Variants in PER3 observed in about 807,000 individuals in gnomAD.
PER3 encodes period circadian protein homolog 3.
In PER3, 107 loss-of-function variants were observed where a neutral mutation model predicts 127.2. That is an observed-to-expected ratio of 0.84 (90% CI 0.72 to 0.99). The LOEUF (loss-of-function observed/expected upper bound fraction) is 0.99. Among genes scored for constraint, PER3 ranks in the 50% least tolerant of loss-of-function variants. The pLI is 0.00. For missense variants in PER3, 1,560 were observed against 1,525.8 expected (o/e 1.02, Z -0.37); for synonymous variants, 618 against 585.8 (o/e 1.05, Z -0.79).
Position 7,834,414 on chromosome 1 carries a change from A to G in PER3, c.3215-1348A>G, listed in dbSNP as rs2097347840. On this transcript the variant is annotated intron_variant, in intron 19 of 21. Transcript: ENST00000377532. ...AACATTGTTATTATTTTTGCTTTAA[A>G]CAGTAACAACCTCTTAAAGTTGTTT... Among the ~76,000 whole-genome samples the G allele has an allele frequency of 1.3e-5, 2 of 152,160 alleles. 1 individual carries two copies. Among genetic ancestry groups the G allele is most frequent in the South Asian group, 4.1e-4 (2 of 4,830 alleles).
intron 5 of PER3, among the ~76,000 whole-genome samples, chr1:7,788,907 G>GA (rs56279930): frequency 0.37 from 52,707 of 141,620 alleles, 9,536 homozygotes; most frequent in South Asian, 0.47. Flanking sequence ...TGTTTCTGGG[G>GA]AAAAAAAAAA....
chr1:7,794,907 G>C (rs1473182544), intron 6 of PER3, among the ~76,000 whole-genome samples: 1 of 151,114 alleles, frequency 6.6e-6, no homozygotes, highest in Non-Finnish European at 1.5e-5. Context: ...ATGTATATAA[G>C]ATGATATAAT....
chr1:7,824,128 C>T (rs1372139534), intron 16 of PER3, among the ~76,000 whole-genome samples: 5 of 151,996 alleles, frequency 3.3e-5, no homozygotes, highest in South Asian at 2.1e-4. Context: ...CAGCTAAAAA[C>T]GGGGCTTGTA....
At chr1:7,816,055 T>A (rs1450773815) in intron 13 of PER3, among the ~76,000 whole-genome samples, 9 of 145,634 alleles carry the variant, frequency 6.2e-5, no homozygotes, top group South Asian at 4.4e-4. Context: ...ATAAAATATG[T>A]GGGATATACC....
chr1:7,843,947 A>G lies in PER3; in HGVS notation c.*1192A>G. Reference sequence around the variant, plus strand: ...ACTTGGAATGATAGATGAAATTCACACCCCTGCAGATCAGAAAAAACAAAT... The same window carrying G: ...ACTTGGAATGATAGATGAAATTCACGCCCCTGCAGATCAGAAAAAACAAAT... On this transcript the variant is annotated 3_prime_UTR_variant, in exon 22 of 22. Transcript: ENST00000377532. 7.8e-7 allele frequency: 1 copy of G among 1,281,124 alleles called. No homozygotes were observed. The highest frequency in any genetic ancestry group is 1.3e-5 in the South Asian group (1 of 76,458). 79.4% of individuals were successfully genotyped at this position (1,281,124 alleles called of 1,614,324 possible).
chr1:7,819,597 A>G (rs2097266552), intron 14 of PER3, among the ~76,000 whole-genome samples, 177 bp downstream of exon 14: 1 of 152,216 alleles, frequency 6.6e-6, no homozygotes, highest in Non-Finnish European at 1.5e-5. Flanking sequence ...ACAAAAAGCT[A>G]GAAGATGCAT....
intron 21 of PER3, 142 bp downstream of exon 21, chr1:7,837,291 T>C: frequency 1.6e-6 from 1 of 607,324 alleles, no homozygotes; most frequent in Non-Finnish European, 2.8e-6. Flanking sequence ...TTATTCCCTC[T>C]TTACCAATAA....
chr1:7,814,004 A>G (rs1012922875), intron 13 of PER3, among the ~76,000 whole-genome samples: 5 of 152,232 alleles, frequency 3.3e-5, no homozygotes, highest in Non-Finnish European at 1.5e-5. Context: ...CATGAAAGAA[A>G]CCCTCAAATG....
intron 13 of PER3, among the ~76,000 whole-genome samples, chr1:7,817,400 C>T (rs2097256413): frequency 6.6e-6 from 1 of 152,174 alleles, no homozygotes; most frequent in Admixed American, 6.5e-5. Flanking sequence ...AAGAACGGAG[C>T]TCAGTAGCTT....
chr1:7,788,121 A>C lies in PER3; in HGVS notation c.467A>C (p.Asn156Thr), dbSNP rs763378200. The C allele has an allele frequency of 5.6e-6, 9 of 1,613,868 alleles. No individual in the cohort carries two copies. Among genetic ancestry groups the C allele is most frequent in the Non-Finnish European group, 8.5e-7 (1 of 1,179,848 alleles). Residue 156 changes from asparagine (N) to threonine (T), a missense_variant, in exon 5 of 22, where the codon AAT (asparagine) becomes ACT (threonine). Asn to Thr is a moderately conservative substitution (Grantham distance 65). Around this residue, in one of 3 missense-constraint regions of PER3, gnomAD observed 1,332 missense variants for 1,223.6 expected, o/e 1.09. Coordinates refer to ENST00000377532, the MANE Select transcript of PER3 (RefSeq NM_001377275.1). ...HISEQAALIL[N>T]RKKDVLASSH... ...TCTGAACAGGCTGCTTTGATCCTGA[A>C]TCGTAAGAAAGATGTCCTGGCGTCT...
chr1:7,843,376 T>TC lies in PER3; in HGVS notation c.*624dup. ...CTTGTAGATCCCTTTCCTATTGATT[T>TC]CCCACCTTCCAGTGAAATTCTGAAA... On this transcript the variant is annotated 3_prime_UTR_variant, in exon 22 of 22. Transcript: ENST00000377532. 6.5e-6 allele frequency: 1 copy of TC among 152,672 alleles called. No homozygotes were observed. Among genetic ancestry groups the TC allele is most frequent in the East Asian group, 1.9e-4 (1 of 5,326 alleles). The allele number at this position is 152,672 out of a possible 1,614,324, so 9.5% of individuals were successfully genotyped here.
In PER3 at chr1:7,810,590, T is replaced by C; in HGVS notation, c.1522+2T>C. On this transcript the variant is annotated splice_donor_variant, in intron 13 of 21. Transcript: ENST00000377532. LOFTEE classifies it high-confidence loss of function. Reference sequence around the variant, plus strand: ...GTGGTGAGTCAGCGAATGGTGGTGGTGAGTCAGCCGGCAGCCCCAAGGATC... The same window carrying C: ...GTGGTGAGTCAGCGAATGGTGGTGGCGAGTCAGCCGGCAGCCCCAAGGATC... The C allele has an allele frequency of 3.7e-6, 6 of 1,606,284 alleles. No individual in the cohort carries two copies. The highest frequency in any genetic ancestry group is 5.1e-6 in the Non-Finnish European group (6 of 1,177,176).
At position 7,839,364 on chromosome 1, in the gene PER3, G is replaced by A. The variant is rs192991156; in HGVS notation, c.3549+2215G>A. The stretch of plus-strand genomic sequence containing the variant: ...GCAAAATATGAGATTACAAATCAAA[G>A]TTAAAATAATACTGGATTTTATAGA... On this transcript the variant is annotated intron_variant, in intron 21 of 21. Coordinates refer to ENST00000377532, the MANE Select transcript of PER3 (RefSeq NM_001377275.1). Among the ~76,000 whole-genome samples, 227 of 152,292 alleles carry A rather than the reference G, an allele frequency of 1.5e-3. 1 individual carries two copies. The highest frequency in any genetic ancestry group is 0.01 in the Middle Eastern group (3 of 292).
intron 6 of PER3, among the ~76,000 whole-genome samples, chr1:7,795,767 T>G (rs1420052284): frequency 6.6e-6 from 1 of 152,246 alleles, no homozygotes; most frequent in African/African-American, 2.4e-5. Context: ...CGTTTTACTT[T>G]GGGAATTTTC....
intron 13 of PER3, among the ~76,000 whole-genome samples, chr1:7,815,345 G>A (rs1232448265): frequency 6.6e-6 from 1 of 152,196 alleles, no homozygotes; most frequent in Non-Finnish European, 1.5e-5. Flanking sequence ...AGAACCCATT[G>A]TGAAAATAAA....
rs1354919043 is a variant in PER3, at chr1:7,784,843, C to T, written c.-35C>T. Reference sequence around the variant, plus strand: ...GAGCGAGAAGCAGGCTGCGGGCCGTCCCAGCACGACGTGGAGCCCCGCGGA... The same window carrying T: ...GAGCGAGAAGCAGGCTGCGGGCCGTTCCAGCACGACGTGGAGCCCCGCGGA... On this transcript the variant is annotated 5_prime_UTR_variant, in exon 2 of 22. Coordinates refer to ENST00000377532, the MANE Select transcript of PER3 (RefSeq NM_001377275.1). 4 of 1,437,674 alleles carry T rather than the reference C, an allele frequency of 2.8e-6. No homozygotes were observed. Among genetic ancestry groups the T allele is most frequent in the African/African-American group, 1.5e-5 (1 of 66,836 alleles). 89.1% of individuals were successfully genotyped at this position (1,437,674 alleles called of 1,614,324 possible).
In PER3 at chr1:7,842,787, C is replaced by T. The variant is rs1170138731; in HGVS notation, c.*32C>T. The stretch of plus-strand genomic sequence containing the variant: ...GTGAGGATGAACCTTCATACCCTTT[C>T]CAAGACGTGTTACACAGACAGACCT... On this transcript the variant is annotated 3_prime_UTR_variant, in exon 22 of 22. Coordinates refer to ENST00000377532, the MANE Select transcript of PER3 (RefSeq NM_001377275.1). The T allele has an allele frequency of 1.3e-6, 2 of 1,598,238 alleles. No individual in the cohort carries two copies.
intron 16 of PER3, among the ~76,000 whole-genome samples, chr1:7,822,163 T>A (rs949792726): frequency 6.6e-6 from 1 of 152,124 alleles, no homozygotes; most frequent in Non-Finnish European, 1.5e-5. Flanking sequence ...CCCAGCATTT[T>A]GGGAGGCCAA....
intron 11 of PER3, among the ~76,000 whole-genome samples, chr1:7,809,430 T>C (rs2097209444): frequency 6.6e-6 from 1 of 152,176 alleles, no homozygotes; most frequent in South Asian, 2.1e-4. Context: ...AGAGATTCAA[T>C]GAATAAGTGG....
Sources: gnomAD v4.1 joint callset for allele counts (sites outside exome capture counted in the v4.1 genomes callset) on GRCh38, gnomAD v4.1.1 for gene constraint, gnomAD v4.1.1 regional missense constraint, MANE v1.5 for transcripts, NCBI Gene and HGNC (gene_info 2026-07-23, HGNC 2026-07-21) for gene names.